Variants in CHMP4B observed in about 807,000 individuals in gnomAD.
CHMP4B encodes SNF7 homolog associated with Alix 1.
Under a neutral mutation model 25.1 loss-of-function variants are expected in CHMP4B, and 1 was observed. The observed-to-expected ratio is 0.04, with a 90% CI of 0.01 to 0.19. The LOEUF (loss-of-function observed/expected upper bound fraction) is 0.19. Ranked by LOEUF, CHMP4B falls within the 10% of genes least tolerant of loss-of-function variation. The pLI is 1.00. For synonymous variants in CHMP4B, 101 were observed against 115.6 expected (o/e 0.87, Z 0.81); for missense variants, 151 against 289.7 (o/e 0.52, Z 3.48).
chr20:33,822,644 G>A (rs1978973907), intron 1 of CHMP4B, among the ~76,000 whole-genome samples: 1 of 152,198 alleles, frequency 6.6e-6, no homozygotes, highest in Admixed American at 6.5e-5. Flanking sequence ...TGTCAGCCTG[G>A]CATTCAGCTT....
chr20:33,854,354 A>T lies in CHMP4B; in HGVS notation c.*794A>T, dbSNP rs939530868. 10 of 152,704 alleles carry T rather than the reference A, an allele frequency of 6.5e-5. No individual in the cohort carries two copies. Among genetic ancestry groups the T allele is most frequent in the African/African-American group, 2.4e-4 (10 of 41,452 alleles). 9.5% of individuals were successfully genotyped at this position (152,704 alleles called of 1,614,324 possible). On this transcript the variant is annotated 3_prime_UTR_variant, in exon 5 of 5. Transcript: ENST00000217402. The stretch of plus-strand genomic sequence containing the variant: ...TTTGCACTGTCTATTAAATATCTCG[A>T]TTAATTTTCATACTTTGCTGTTGTG...
chr20:33,834,686 T>G (rs569709773), intron 1 of CHMP4B, among the ~76,000 whole-genome samples: 1 of 152,336 alleles, frequency 6.6e-6, no homozygotes, highest in East Asian at 1.9e-4. Flanking sequence ...CAAAATACTT[T>G]CTGATTTCCC....
At chr20:33,815,213 T>C (rs979394942) in intron 1 of CHMP4B, among the ~76,000 whole-genome samples, 2 of 152,210 alleles carry the variant, frequency 1.3e-5, no homozygotes, top group African/African-American at 4.8e-5. Flanking sequence ...GATGAAAATA[T>C]GTTACGCATG....
At chr20:33,831,717 G>T (rs1370589121) in intron 1 of CHMP4B, among the ~76,000 whole-genome samples, 1 of 152,236 alleles carries the variant, frequency 6.6e-6, no homozygotes, top group Non-Finnish European at 1.5e-5. Context: ...TGGTAATTCT[G>T]TGCAGTTTGG....
intron 1 of CHMP4B, among the ~76,000 whole-genome samples, chr20:33,843,926 A>G (rs930513817): frequency 7.9e-5 from 12 of 152,254 alleles, no homozygotes; most frequent in African/African-American, 2.7e-4. Context: ...AAAATTAATC[A>G]TGTAGCCTTT....
chr20:33,824,058 C>T (rs952706664), intron 1 of CHMP4B, among the ~76,000 whole-genome samples: 2 of 152,164 alleles, frequency 1.3e-5, no homozygotes, highest in African/African-American at 4.8e-5. Context: ...ATAATATTCC[C>T]TGTACAATAT....
intron 1 of CHMP4B, among the ~76,000 whole-genome samples, chr20:33,822,947 C>T (rs1978985032): frequency 6.6e-6 from 1 of 151,790 alleles, no homozygotes; most frequent in Non-Finnish European, 1.5e-5. Context: ...CACCACCACG[C>T]CGGGCTAATT....
In CHMP4B at chr20:33,811,443, G is replaced by T. The variant is rs1978604863; in HGVS notation, c.-26G>T. ...GCCGAGCCGAGCCGGAGCGGGCGGC[G>T]AAGGCCGGCGCGGCGAGCAGCAACC... On this transcript the variant is annotated 5_prime_UTR_variant, in exon 1 of 5. Coordinates refer to ENST00000217402, the MANE Select transcript of CHMP4B (RefSeq NM_176812.5). 2.7e-6 allele frequency: 4 copies of T among 1,481,932 alleles called. No individual in the cohort carries two copies. The highest frequency in any genetic ancestry group is 3.6e-6 in the Non-Finnish European group (4 of 1,115,126). The allele number at this position is 1,481,932 out of a possible 1,614,324, so 91.8% of individuals were successfully genotyped here.
intron 1 of CHMP4B, among the ~76,000 whole-genome samples, chr20:33,831,896 T>G (rs918187706): frequency 1.3e-5 from 2 of 152,174 alleles, no homozygotes; most frequent in South Asian, 4.1e-4. Context: ...TGTGCCCCAT[T>G]TTTTAAGGAC....
intron 1 of CHMP4B, among the ~76,000 whole-genome samples, chr20:33,827,715 C>G (rs1352365388): frequency 2.6e-5 from 4 of 152,228 alleles, no homozygotes; most frequent in African/African-American, 9.6e-5. Flanking sequence ...TCTGTTGGGG[C>G]TCAGCAGGTT....
chr20:33,844,270 G>A (rs1379414738), intron 1 of CHMP4B, among the ~76,000 whole-genome samples: 1 of 152,164 alleles, frequency 6.6e-6, no homozygotes, highest in African/African-American at 2.4e-5. Flanking sequence ...GAGGTGCACG[G>A]GAGATAAAAT....
intron 1 of CHMP4B, among the ~76,000 whole-genome samples, chr20:33,834,607 T>G (rs1214590151): frequency 2.0e-5 from 3 of 152,204 alleles, no homozygotes; most frequent in Admixed American, 6.5e-5. Flanking sequence ...GGCTTTTAGT[T>G]CCCTTAAGGT....
At chr20:33,852,226 C>T (rs374338651) in intron 4 of CHMP4B, 23 bp downstream of exon 4, 325 of 1,613,668 alleles carry the variant, frequency 2.0e-4, no homozygotes, top group Non-Finnish European at 2.6e-4. Flanking sequence ...AGAGTCATGG[C>T]ACACCGTGAG....
chr20:33,812,493 C>T (rs1978659432), intron 1 of CHMP4B, among the ~76,000 whole-genome samples: 1 of 152,256 alleles, frequency 6.6e-6, no homozygotes, highest in South Asian at 2.1e-4. Flanking sequence ...TCTTGAGGCA[C>T]TGCTTACTTT....
At chr20:33,842,737 C>T (rs1979578702) in intron 1 of CHMP4B, among the ~76,000 whole-genome samples, 1 of 152,178 alleles carries the variant, frequency 6.6e-6, no homozygotes, top group Non-Finnish European at 1.5e-5. Context: ...CCTGTACCTT[C>T]TGTTAGATGA....
chr20:33,853,519 G>C lies in CHMP4B; in HGVS notation c.634G>C (p.Asp212His). 6.2e-7 allele frequency: 1 copy of C among 1,613,852 alleles called. No homozygotes were observed. The highest frequency in any genetic ancestry group is 1.1e-5 in the South Asian group (1 of 91,054). ...AGCCAAGAAGAAAGAAGAGGAGGAC[G>C]ACGACATGAAGGAATTGGAGAACTG... Reference protein sequence around the residue: ...KPAKKKEEEDDDMKELENWAG... With the variant: ...KPAKKKEEEDHDMKELENWAG... The change falls in exon 5 of 5, where the codon GAC (aspartate) becomes CAC (histidine). Residue 212 changes from aspartate to histidine, a missense_variant. Coordinates refer to ENST00000217402, the MANE Select transcript of CHMP4B (RefSeq NM_176812.5).
chr20:33,840,604 T>C (rs573488214), intron 1 of CHMP4B, among the ~76,000 whole-genome samples: 1 of 152,324 alleles, frequency 6.6e-6, no homozygotes, highest in African/African-American at 2.4e-5. Flanking sequence ...GAAGCTGGCA[T>C]TGGCCAAATG....
At chr20:33,827,109 C>G (rs558610175) in intron 1 of CHMP4B, among the ~76,000 whole-genome samples, 2 of 152,312 alleles carry the variant, frequency 1.3e-5, no homozygotes, top group Admixed American at 6.5e-5. Flanking sequence ...GAGCTCCTGG[C>G]CTCCTGTTAG....
chr20:33,847,507 A>G (rs532072606), intron 1 of CHMP4B, among the ~76,000 whole-genome samples: 1 of 152,238 alleles, frequency 6.6e-6, no homozygotes, highest in African/African-American at 2.4e-5. Flanking sequence ...GGGGAAGGAA[A>G]TCTGGGTTTC....
Sources: gnomAD v4.1 joint callset for allele counts (sites outside exome capture counted in the v4.1 genomes callset) on GRCh38, gnomAD v4.1.1 for gene constraint, MANE v1.5 for transcripts, NCBI Gene and HGNC (gene_info 2026-07-23, HGNC 2026-07-21) for gene names.